The following CSMD1 variants were observed in gnomAD, a reference collection of about 807,000 sequenced individuals.
CSMD1 encodes CUB and Sushi multiple domains 1, also known as CUB and sushi domain-containing protein 1.
Under a neutral mutation model 417.5 loss-of-function variants are expected in CSMD1, and 213 were observed. The ratio of observed to expected loss-of-function variants is 0.51; its 90% CI spans 0.46 to 0.57. CSMD1 has a LOEUF of 0.57. CSMD1 is among the 20% of genes least tolerant of loss of function. The pLI, the probability that CSMD1 is intolerant of heterozygous loss-of-function variation, is 0.00. For synonymous variants in CSMD1, 2,862 were observed against 1,736.8 expected (o/e 1.65, Z -16.11); for missense variants, 6,923 against 4,529.7 (o/e 1.53, Z -15.17).
At chr8:4,592,414 T>G (rs1221392886) in intron 2 of CSMD1, among the ~76,000 whole-genome samples, 1 of 151,920 alleles carries the variant, frequency 6.6e-6, no homozygotes, top group African/African-American at 2.4e-5. Flanking sequence ...TGAGGTGGAG[T>G]CTTACTCCAT....
intron 4 of CSMD1, among the ~76,000 whole-genome samples, chr8:4,004,715 G>C (rs1008417284): frequency 6.6e-6 from 1 of 151,942 alleles, no homozygotes; most frequent in African/African-American, 2.4e-5. Flanking sequence ...ACCTGGATGA[G>C]ATTGGTGACT....
intron 3 of CSMD1, among the ~76,000 whole-genome samples, chr8:4,267,566 C>T (rs1804295772): frequency 6.6e-6 from 1 of 151,890 alleles, no homozygotes; most frequent in Non-Finnish European, 1.5e-5. Flanking sequence ...GCAATGGTCA[C>T]TGACACAATA....
chr8:4,450,903 A>G (rs933997947), intron 2 of CSMD1, among the ~76,000 whole-genome samples: 2 of 152,226 alleles, frequency 1.3e-5, no homozygotes, highest in African/African-American at 4.8e-5. Context: ...TATAAAAATT[A>G]AAATTAAATC....
chr8:4,250,490 G>C (rs1391262672), intron 3 of CSMD1, among the ~76,000 whole-genome samples: 1 of 152,182 alleles, frequency 6.6e-6, no homozygotes, highest in African/African-American at 2.4e-5. Context: ...ATTCTGAGTG[G>C]TGTAATGACT....
At chr8:4,721,624 T>G (rs1809057112) in intron 1 of CSMD1, among the ~76,000 whole-genome samples, 1 of 152,212 alleles carries the variant, frequency 6.6e-6, no homozygotes, top group South Asian at 2.1e-4. Context: ...TAGATTGGTA[T>G]AGCCAATAAT....
chr8:4,765,184 C>T (rs1375300926), intron 1 of CSMD1, among the ~76,000 whole-genome samples: 2 of 151,996 alleles, frequency 1.3e-5, no homozygotes, highest in African/African-American at 4.8e-5. Context: ...TTTTTAGAAA[C>T]TGTGTTCTTC....
intron 5 of CSMD1, among the ~76,000 whole-genome samples, chr8:3,756,817 AC>A (rs1268661775): frequency 6.6e-6 from 1 of 151,068 alleles, no homozygotes; most frequent in African/African-American, 2.4e-5. Flanking sequence ...TTTTCTTGAG[AC>A]AGTGTCTTGC....
chr8:3,500,087 C>G (rs6558786), intron 10 of CSMD1, among the ~76,000 whole-genome samples: 115,418 of 151,976 alleles, frequency 0.76, 43,969 homozygotes, highest in Middle Eastern at 0.84. Context: ...TCCCTACAAT[C>G]GGGAGTCCTT....
At chr8:2,940,638 A>G (rs1801804855) in intron 69 of CSMD1, among the ~76,000 whole-genome samples, 2 of 152,242 alleles carry the variant, frequency 1.3e-5, no homozygotes, top group South Asian at 4.1e-4. Context: ...TGTATGTTGG[A>G]TATAGCCCCC....
At chr8:3,030,550 C>G (rs1398654181) in intron 50 of CSMD1, among the ~76,000 whole-genome samples, 2 of 152,042 alleles carry the variant, frequency 1.3e-5, no homozygotes, top group Non-Finnish European at 1.5e-5. Context: ...GATCACGGCT[C>G]ACTGCAAACT....
intron 2 of CSMD1, among the ~76,000 whole-genome samples, chr8:4,450,549 C>A (rs983089408): frequency 6.6e-6 from 1 of 152,126 alleles, no homozygotes; most frequent in South Asian, 2.1e-4. Context: ...GCACGGGATT[C>A]ACTTGAACCC....
intron 8 of CSMD1, among the ~76,000 whole-genome samples, chr8:3,608,763 C>G (rs1158872667): frequency 7.2e-6 from 1 of 139,204 alleles, no homozygotes; most frequent in South Asian, 2.3e-4. Flanking sequence ...GACTCTGTCT[C>G]AAAAAAAAAA....
chr8:4,224,057 T>C (rs1178950604), intron 3 of CSMD1, among the ~76,000 whole-genome samples: 1 of 152,082 alleles, frequency 6.6e-6, no homozygotes, highest in Non-Finnish European at 1.5e-5. Context: ...GTAACCCTAC[T>C]CAAACAGGGC....
chr8:2,938,685 G>T lies in CSMD1; in HGVS notation c.10595C>A (p.Ala3532Glu). Residue 3532 changes from alanine to glutamate, a missense_variant, in exon 70 of 70, where the codon GCA becomes GAA. Transcript: ENST00000635120. ...YAGHENSNGQ[A>E]SFENPMYDTN... ...ATCATACATGGGGTTTTCAAACGAT[G>T]CTTGTCCATTGCTGTTTTCATGCCC... is the stretch of plus-strand genomic sequence containing the variant. 6.2e-7 allele frequency: 1 copy of T among 1,611,888 alleles called. No individual in the cohort carries two copies. Among genetic ancestry groups the T allele is most frequent in the Non-Finnish European group, 8.5e-7 (1 of 1,178,876 alleles).
At chr8:4,587,420 C>G (rs964398904) in intron 2 of CSMD1, among the ~76,000 whole-genome samples, 1 of 108,222 alleles carries the variant, frequency 9.2e-6, no homozygotes, top group Non-Finnish European at 1.9e-5. Flanking sequence ...TGTATATGTA[C>G]ATGTATATGT....
intron 3 of CSMD1, among the ~76,000 whole-genome samples, chr8:4,330,731 T>C (rs1014715583): frequency 5.3e-5 from 8 of 152,192 alleles, no homozygotes; most frequent in Non-Finnish European, 1.0e-4. Flanking sequence ...ATCAAGTTCG[T>C]GACTTATCTG....
At chr8:3,149,795 A>T (rs1819080478) in intron 40 of CSMD1, among the ~76,000 whole-genome samples, 1 of 152,200 alleles carries the variant, frequency 6.6e-6, no homozygotes, top group African/African-American at 2.4e-5. Context: ...TTTCAGGTAT[A>T]GAAAGGAGGA....
chr8:3,097,632 T>G (rs138214801), intron 46 of CSMD1, among the ~76,000 whole-genome samples: 85 of 152,294 alleles, frequency 5.6e-4, no homozygotes, highest in African/African-American at 2.0e-3. Context: ...GATGACAGAT[T>G]TCATCAGGCT....
At chr8:4,663,109 G>T (rs946741219) in intron 1 of CSMD1, among the ~76,000 whole-genome samples, 1 of 152,184 alleles carries the variant, frequency 6.6e-6, no homozygotes, top group Non-Finnish European at 1.5e-5. Context: ...GCCAGATCAC[G>T]TGGGCTTAGG....
Sources: gnomAD v4.1 joint callset for allele counts (sites outside exome capture counted in the v4.1 genomes callset) on GRCh38, gnomAD v4.1.1 for gene constraint, MANE v1.5 for transcripts, NCBI Gene and HGNC (gene_info 2026-07-23, HGNC 2026-07-21) for gene names.